MELK: variants seen among roughly 807,000 people sequenced by gnomAD.
MELK encodes maternal embryonic leucine zipper kinase.
A neutral mutation model predicts 85.0 loss-of-function variants in MELK; 81 were observed. That is an observed-to-expected ratio of 0.95 (90% CI 0.80 to 1.15). MELK has a LOEUF of 1.15. MELK is among the 50% of genes most tolerant of loss of function. The pLI is 0.00. For missense variants in MELK, 754 were observed against 777.5 expected (o/e 0.97, Z 0.36); for synonymous variants, 252 against 265.0 (o/e 0.95, Z 0.48).
At chr9:36,617,525 C>A (rs1826960939) in intron 8 of MELK, among the ~76,000 whole-genome samples, 1 of 151,950 alleles carries the variant, frequency 6.6e-6, no homozygotes, top group South Asian at 2.1e-4. Context: ...TAAGGTCTTG[C>A]TATATTGCTG....
chr9:36,676,752 TCA>T (rs1301157356), intron 17 of MELK, among the ~76,000 whole-genome samples: 2 of 152,214 alleles, frequency 1.3e-5, no homozygotes, highest in Non-Finnish European at 2.9e-5. Context: ...CTGACAAGGC[TCA>T]CACACATGAA....
intron 7 of MELK, among the ~76,000 whole-genome samples, chr9:36,600,477 G>A (rs1296617610): frequency 6.6e-6 from 1 of 152,124 alleles, no homozygotes; most frequent in Admixed American, 6.6e-5. Flanking sequence ...TCTGCCTCCT[G>A]GGTTCACGCC....
At chr9:36,673,909 A>G (rs1833109723) in intron 16 of MELK, among the ~76,000 whole-genome samples, 1 of 152,210 alleles carries the variant, frequency 6.6e-6, no homozygotes, top group African/African-American at 2.4e-5. Context: ...ACAAATACAT[A>G]TTTAAAAATA....
chr9:36,624,035 A>T (rs1827693906), intron 8 of MELK, among the ~76,000 whole-genome samples: 1 of 151,494 alleles, frequency 6.6e-6, no homozygotes, highest in African/African-American at 2.4e-5. Context: ...ATACTAAATC[A>T]TTGAACCCTA....
chr9:36,633,852 A>G (rs1828869357), intron 10 of MELK, among the ~76,000 whole-genome samples: 1 of 152,228 alleles, frequency 6.6e-6, no homozygotes, highest in African/African-American at 2.4e-5. Context: ...AAGCCAAGGA[A>G]TAAAATGCAG....
At chr9:36,614,076 A>G (rs958726542) in intron 8 of MELK, among the ~76,000 whole-genome samples, 1 of 151,708 alleles carries the variant, frequency 6.6e-6, no homozygotes, top group Non-Finnish European at 1.5e-5. Context: ...GGAGGTGGTA[A>G]AAAGTGGGTA....
chr9:36,631,086 C>T (rs1750904782), intron 9 of MELK, among the ~76,000 whole-genome samples: 1 of 151,096 alleles, frequency 6.6e-6, no homozygotes, highest in Non-Finnish European at 1.5e-5. Context: ...GCCTCAGCCT[C>T]CTGAGTAGCT....
At chr9:36,676,637 G>A (rs1213503396) in intron 17 of MELK, among the ~76,000 whole-genome samples, 2 of 152,058 alleles carry the variant, frequency 1.3e-5, no homozygotes, top group African/African-American at 4.8e-5. Flanking sequence ...TGTGATGATC[G>A]TCATAAGAGG....
intron 7 of MELK, among the ~76,000 whole-genome samples, chr9:36,603,632 C>T (rs1387402401): frequency 1.3e-5 from 2 of 152,000 alleles, no homozygotes; most frequent in Non-Finnish European, 2.9e-5. Flanking sequence ...TAGGGTCTTG[C>T]TATGTTTCTG....
chr9:36,625,931 C>A (rs1462777776), intron 8 of MELK, among the ~76,000 whole-genome samples: 1 of 151,844 alleles, frequency 6.6e-6, no homozygotes, highest in Non-Finnish European at 1.5e-5. Context: ...GGGTTACATT[C>A]ATCGCAGAAT....
intron 8 of MELK, among the ~76,000 whole-genome samples, chr9:36,625,305 T>C (rs1827822274): frequency 6.6e-6 from 1 of 152,138 alleles, no homozygotes. Context: ...AGCTGAAATA[T>C]TTGAGACCGG....
intron 2 of MELK, among the ~76,000 whole-genome samples, chr9:36,582,158 C>T (rs1169785759): frequency 1.3e-5 from 2 of 151,944 alleles, no homozygotes; most frequent in African/African-American, 2.4e-5. Context: ...TTAGTAGAGA[C>T]GGGGTTTCAC....
chr9:36,597,126 C>A, intron 5 of MELK, 96 bp from the exon 6 acceptor site: 1 of 980,658 alleles, frequency 1.0e-6, no homozygotes, highest in East Asian at 2.5e-5. Flanking sequence ...CATGAGCTGC[C>A]ACACCTGGCC....
Position 36,594,652 on chromosome 9 carries a change from G to A in MELK, c.286G>A (p.Asp96Asn). Residue 96 changes from aspartate (D) to asparagine (N), a missense_variant, in exon 5 of 18, where the codon GAC becomes AAC. Transcript: ENST00000298048. Reference sequence around the variant, plus strand: ...GTACTGCCCTGGAGGAGAGCTGTTTGACTATATAATTTCCCAGGATCGCCT... The same window carrying A: ...GTACTGCCCTGGAGGAGAGCTGTTTAACTATATAATTTCCCAGGATCGCCT... The part of the protein sequence containing the change: ...LEYCPGGELF[D>N]YIISQDRLSE... 4 of 1,614,062 alleles carry A rather than the reference G, an allele frequency of 2.5e-6. No individual in the cohort carries two copies. The highest frequency in any genetic ancestry group is 3.4e-6 in the Non-Finnish European group (4 of 1,179,986).
intron 2 of MELK, among the ~76,000 whole-genome samples, 181 bp from the exon 3 acceptor site, chr9:36,583,446 A>C (rs1173331650): frequency 6.7e-6 from 1 of 148,744 alleles, no homozygotes; most frequent in East Asian, 1.9e-4. Flanking sequence ...GAGATACACT[A>C]TCATGGTTAA....
intron 15 of MELK, among the ~76,000 whole-genome samples, chr9:36,670,060 G>C (rs1047576385): frequency 6.6e-6 from 1 of 152,146 alleles, no homozygotes; most frequent in Admixed American, 6.5e-5. Context: ...CCACAGTCTG[G>C]AAGTGCTGGA....
At chr9:36,605,023 G>A (rs1825346993) in intron 7 of MELK, among the ~76,000 whole-genome samples, 1 of 151,208 alleles carries the variant, frequency 6.6e-6, no homozygotes, top group Admixed American at 6.6e-5. Flanking sequence ...CTGAGTAGCT[G>A]GAATTACAGA....
chr9:36,651,667 G>GA (rs1830712776), intron 11 of MELK, 79 bp from the exon 12 acceptor site: 2 of 1,523,674 alleles, frequency 1.3e-6, no homozygotes, highest in East Asian at 4.6e-5. Context: ...TTACACTGAA[G>GA]AAAAAAATTA....
intron 17 of MELK, among the ~76,000 whole-genome samples, chr9:36,675,827 G>T (rs1833295526): frequency 6.6e-6 from 1 of 152,178 alleles, no homozygotes; most frequent in Non-Finnish European, 1.5e-5. Flanking sequence ...GCAACCAGAA[G>T]AGACATGCAT....
Sources: gnomAD v4.1 joint callset for allele counts (sites outside exome capture counted in the v4.1 genomes callset) on GRCh38, gnomAD v4.1.1 for gene constraint, MANE v1.5 for transcripts, NCBI Gene and HGNC (gene_info 2026-07-23, HGNC 2026-07-21) for gene names.